Variants in KIAA1958 observed in about 807,000 individuals in gnomAD.
KIAA1958 encodes uncharacterized protein KIAA1958.
In KIAA1958, 14 loss-of-function variants were observed where a neutral mutation model predicts 47.2. The ratio of observed to expected loss-of-function variants is 0.30; its 90% CI spans 0.20 to 0.46. KIAA1958 has a LOEUF of 0.46. KIAA1958 is among the 20% of genes least tolerant of loss of function. The pLI is 1.00. For synonymous variants in KIAA1958, 354 were observed against 353.3 expected (o/e 1.00, Z -0.02); for missense variants, 803 against 909.2 (o/e 0.88, Z 1.50).
chr9:112,632,304 G>A (rs1588047562), intron 2 of KIAA1958, among the ~76,000 whole-genome samples: 1 of 151,572 alleles, frequency 6.6e-6, no homozygotes. Context: ...CATGTAGAAG[G>A]GTAACACAAT....
At chr9:112,655,134 T>C (rs1837128207) in intron 3 of KIAA1958, among the ~76,000 whole-genome samples, 1 of 152,228 alleles carries the variant, frequency 6.6e-6, no homozygotes, top group South Asian at 2.1e-4. Flanking sequence ...ATCTTTTTCT[T>C]CCTATCTAAA....
At chr9:112,658,314 A>G (rs1837188534) in intron 3 of KIAA1958, among the ~76,000 whole-genome samples, 1 of 152,232 alleles carries the variant, frequency 6.6e-6, no homozygotes, top group Admixed American at 6.5e-5. Context: ...CTACAGCACT[A>G]TGTCTAGTAA....
chr9:112,601,667 C>T (rs1455658319), intron 2 of KIAA1958, among the ~76,000 whole-genome samples: 1 of 152,192 alleles, frequency 6.6e-6, no homozygotes, highest in Non-Finnish European at 1.5e-5. Flanking sequence ...ACAGTTGATA[C>T]AGATGAGAAA....
At chr9:112,637,606 A>C (rs1345428564) in intron 2 of KIAA1958, among the ~76,000 whole-genome samples, 1 of 151,744 alleles carries the variant, frequency 6.6e-6, no homozygotes, top group African/African-American at 2.4e-5. Flanking sequence ...TCGAACTCCA[A>C]ACCTCGTGAT....
At chr9:112,518,597 G>GCT (rs748052784) in intron 1 of KIAA1958, among the ~76,000 whole-genome samples, 2 of 152,164 alleles carry the variant, frequency 1.3e-5, no homozygotes, top group African/African-American at 2.4e-5. Flanking sequence ...GGAATTAGAT[G>GCT]CTCTAAAGGA....
At chr9:112,537,063 TCCTCCCCTCCCCTCC>T (rs750967433) in intron 1 of KIAA1958, among the ~76,000 whole-genome samples, 2 of 151,286 alleles carry the variant, frequency 1.3e-5, no homozygotes, top group Non-Finnish European at 2.9e-5. Context: ...ACAAGGTATT[TCCTCCCCTCCCCTCC>T]CCTCCCCTCT....
chr9:112,621,553 A>G (rs1302776105), intron 2 of KIAA1958, among the ~76,000 whole-genome samples: 2 of 152,202 alleles, frequency 1.3e-5, no homozygotes, highest in African/African-American at 2.4e-5. Flanking sequence ...TAAAATGAAA[A>G]TCTTTGTCCT....
intron 2 of KIAA1958, among the ~76,000 whole-genome samples, chr9:112,581,498 G>A (rs113625780): frequency 2.0e-5 from 3 of 152,086 alleles, no homozygotes; most frequent in Admixed American, 6.5e-5. Flanking sequence ...TCAGGAGGCC[G>A]CGAGGAAAGA....
intron 1 of KIAA1958, among the ~76,000 whole-genome samples, chr9:112,535,888 AT>A (rs1834846860): frequency 6.6e-6 from 1 of 151,688 alleles, no homozygotes; most frequent in South Asian, 2.1e-4. Flanking sequence ...CTTGGTTGTG[AT>A]TTTTACTGTT....
At chr9:112,531,799 A>C (rs1834756448) in intron 1 of KIAA1958, among the ~76,000 whole-genome samples, 1 of 152,218 alleles carries the variant, frequency 6.6e-6, no homozygotes, top group African/African-American at 2.4e-5. Context: ...TATCAGTTGG[A>C]TTTTCACTTT....
At chr9:112,630,632 C>T (rs1836694025) in intron 2 of KIAA1958, among the ~76,000 whole-genome samples, 1 of 152,052 alleles carries the variant, frequency 6.6e-6, no homozygotes. Context: ...GTTCTTTGAG[C>T]CGAATAGGAA....
At position 112,545,825 on chromosome 9, in the gene KIAA1958, G is replaced by GTGTTTTTTTTTTTTTTTT. The variant is rs60211721; in HGVS notation, c.-24-28231_-24-28230insGTTTTTTTTTTTTTTTTT. ...TCTTTAGTGATACACAGGTTTCTTT[G>GTGTTTTTTTTTTTTTTTT]TTTTTTTTTTTTTTTTTTTTTAGTG... On this transcript the variant is annotated intron_variant, in intron 1 of 3. Transcript: ENST00000337530. Among the ~76,000 whole-genome samples the GTGTTTTTTTTTTTTTTTT allele has an allele frequency of 3.2e-5, 3 of 93,040 alleles. 1 individual carries two copies. Among genetic ancestry groups the GTGTTTTTTTTTTTTTTTT allele is most frequent in the Non-Finnish European group, 4.2e-5 (2 of 47,928 alleles). The allele number at this position is 93,040 out of a possible 152,430, so 61.0% of individuals were successfully genotyped here. A position where few individuals can be genotyped will look rare whatever the true frequency, so the allele number is the denominator to read the frequency against.
At chr9:112,637,621 C>A (rs556240198) in intron 2 of KIAA1958, among the ~76,000 whole-genome samples, 31 of 152,086 alleles carry the variant, frequency 2.0e-4, no homozygotes, top group Middle Eastern at 3.4e-3. Flanking sequence ...CGTGATCTGC[C>A]CACCTCGGCC....
chr9:112,513,270 G>T, intron 1 of KIAA1958, among the ~76,000 whole-genome samples: 1 of 131,450 alleles, frequency 7.6e-6, no homozygotes, highest in Non-Finnish European at 1.6e-5. Context: ...CTCCTAAAGT[G>T]CTGGGATTAC....
chr9:112,593,932 A>G (rs755133304), intron 2 of KIAA1958, among the ~76,000 whole-genome samples: 15 of 152,112 alleles, frequency 9.9e-5, no homozygotes, highest in East Asian at 3.9e-4. Flanking sequence ...TGGCATGATC[A>G]TAGTTCACTA....
intron 1 of KIAA1958, among the ~76,000 whole-genome samples, chr9:112,518,955 G>T (rs183383844): frequency 6.0e-4 from 91 of 152,088 alleles, no homozygotes; most frequent in African/African-American, 2.0e-3. Context: ...TAGAGACAGG[G>T]TCTCAACTCT....
intron 1 of KIAA1958, among the ~76,000 whole-genome samples, chr9:112,552,829 G>A (rs1455337849): frequency 6.6e-6 from 1 of 152,138 alleles, no homozygotes; most frequent in African/African-American, 2.4e-5. Flanking sequence ...ATGCAGCTGT[G>A]TACAATTCAA....
intron 1 of KIAA1958, among the ~76,000 whole-genome samples, chr9:112,560,140 CCTT>C (rs1399232046): frequency 6.7e-6 from 1 of 150,236 alleles, no homozygotes; most frequent in Non-Finnish European, 1.5e-5. Flanking sequence ...CTCAAGCAAT[CCTT>C]CTGCCTTGGC....
At chr9:112,626,237 C>T (rs747740522) in intron 2 of KIAA1958, among the ~76,000 whole-genome samples, 24 of 152,142 alleles carry the variant, frequency 1.6e-4, no homozygotes, top group Non-Finnish European at 3.1e-4. Flanking sequence ...TATTTCTCAT[C>T]TTGCTTACTC....
Sources: allele counts gnomAD v4.1 joint callset (sites outside exome capture counted in the v4.1 genomes callset), GRCh38; gene constraint gnomAD v4.1.1; transcripts MANE v1.5; gene names NCBI Gene and HGNC (gene_info 2026-07-23, HGNC 2026-07-21).